RBMS3: variants seen among roughly 807,000 people sequenced by gnomAD.
RBMS3 encodes RNA binding motif single stranded interacting protein 3.
A neutral mutation model predicts 66.8 loss-of-function variants in RBMS3; 27 were observed. That is an observed-to-expected ratio of 0.40 (90% CI 0.30 to 0.56). The LOEUF (loss-of-function observed/expected upper bound fraction) is 0.56, where lower values mean the gene tolerates loss of function less well. RBMS3 is among the 20% of genes least tolerant of loss of function. The probability of loss-of-function intolerance (pLI) is 0.40; values close to 1 mark genes in which losing one functional copy is unlikely to be tolerated. For missense variants in RBMS3, 513 were observed against 549.5 expected (o/e 0.93, Z 0.66); for synonymous variants, 188 against 183.0 (o/e 1.03, Z -0.22).
At position 29,454,475 on chromosome 3, in the gene RBMS3, A is replaced by T. The variant is rs78947528; in HGVS notation, c.248+19560A>T. On this transcript the variant is annotated intron_variant, in intron 2 of 14. Coordinates refer to ENST00000383767, the MANE Select transcript of RBMS3 (RefSeq NM_001003793.3). ...CCAGGGAAAGTTGAAGTATACTACA[A>T]TGGTGGATCTATTAAAAATATTGGC... Among the ~76,000 whole-genome samples, 178 of 152,310 alleles carry T rather than the reference A, an allele frequency of 1.2e-3. 6 individuals are homozygous for T. In the East Asian group the frequency reaches 0.032, roughly 27 times the overall value.
At chr3:29,384,378 A>G (rs927855455) in intron 1 of RBMS3, among the ~76,000 whole-genome samples, 2 of 151,464 alleles carry the variant, frequency 1.3e-5, no homozygotes, top group African/African-American at 4.9e-5. Flanking sequence ...GAACATGAAG[A>G]TGGAATTCTA....
intron 8 of RBMS3, 111 bp downstream of exon 8, chr3:29,884,319 C>A: frequency 2.0e-6 from 2 of 1,019,230 alleles, no homozygotes; most frequent in South Asian, 1.5e-5. Flanking sequence ...CATCCTTAAA[C>A]ACAAAGTTTA....
At chr3:29,993,224 A>G (rs893566909) in intron 14 of RBMS3, among the ~76,000 whole-genome samples, 3 of 152,198 alleles carry the variant, frequency 2.0e-5, no homozygotes, top group African/African-American at 4.8e-5. Flanking sequence ...AATTTAATTG[A>G]CATAGCCTGT....
chr3:29,641,142 C>T (rs993550921), intron 4 of RBMS3: 12 of 151,966 alleles, frequency 7.9e-5, no homozygotes, highest in East Asian at 1.9e-4. Context: ...ATTCTTCCTT[C>T]TTTATCTAAA....
chr3:29,405,785 G>A (rs1336565651), intron 1 of RBMS3, among the ~76,000 whole-genome samples: 3 of 152,158 alleles, frequency 2.0e-5, no homozygotes, highest in Non-Finnish European at 2.9e-5. Context: ...TAGTGACCTA[G>A]GGATTGATTT....
chr3:29,605,503 A>G (rs1275133328), intron 4 of RBMS3, among the ~76,000 whole-genome samples: 3 of 151,578 alleles, frequency 2.0e-5, no homozygotes, highest in Admixed American at 1.3e-4. Flanking sequence ...GGAACCACCT[A>G]CATACTTTCT....
chr3:29,880,754 C>G, intron 7 of RBMS3: 1 of 1,532,688 alleles, frequency 6.5e-7, no homozygotes, highest in Non-Finnish European at 8.7e-7. Flanking sequence ...CTGACACTAT[C>G]TCTTGTTGTC....
intron 2 of RBMS3, among the ~76,000 whole-genome samples, chr3:29,479,578 A>C (rs1257680363): frequency 6.6e-6 from 1 of 152,142 alleles, no homozygotes; most frequent in Non-Finnish European, 1.5e-5. Flanking sequence ...GGCTGTGAGC[A>C]CAGCAGCTAT....
chr3:29,803,197 G>T (rs972873648), intron 6 of RBMS3, among the ~76,000 whole-genome samples: 1 of 152,050 alleles, frequency 6.6e-6, no homozygotes, highest in Non-Finnish European at 1.5e-5. Flanking sequence ...TATGGAATCA[G>T]AAAACTTAAG....
At chr3:29,347,901 CAAT>C (rs1229220752) in intron 1 of RBMS3, among the ~76,000 whole-genome samples, 1 of 152,152 alleles carries the variant, frequency 6.6e-6, no homozygotes, top group African/African-American at 2.4e-5. Context: ...ATGATCATAA[CAAT>C]AACCTATTCA....
chr3:29,992,385 G>A (rs1341750742), intron 14 of RBMS3, among the ~76,000 whole-genome samples: 1 of 152,136 alleles, frequency 6.6e-6, no homozygotes, highest in Non-Finnish European at 1.5e-5. Context: ...AGGAGATAGA[G>A]ACCATCCTGG....
At chr3:29,522,541 G>T (rs2044901335) in intron 3 of RBMS3, among the ~76,000 whole-genome samples, 1 of 152,122 alleles carries the variant, frequency 6.6e-6, no homozygotes, top group Non-Finnish European at 1.5e-5. Context: ...GTTACAGGAA[G>T]CTGCTACCAA....
chr3:29,780,095 C>A (rs1401170408), intron 6 of RBMS3, among the ~76,000 whole-genome samples: 3 of 151,778 alleles, frequency 2.0e-5, no homozygotes, highest in African/African-American at 7.3e-5. Flanking sequence ...TATTTCCAAG[C>A]AGAAATAGGT....
At chr3:29,739,495 T>C (rs1309335366) in intron 4 of RBMS3, among the ~76,000 whole-genome samples, 1 of 151,780 alleles carries the variant, frequency 6.6e-6, no homozygotes, top group Non-Finnish European at 1.5e-5. Context: ...TATTAGTCTT[T>C]CTAAGGAATG....
chr3:29,398,043 T>G (rs970774473), intron 1 of RBMS3, among the ~76,000 whole-genome samples: 9 of 152,194 alleles, frequency 5.9e-5, no homozygotes, highest in Non-Finnish European at 1.3e-4. Context: ...TAGACATAGC[T>G]ACTCTCAGTG....
chr3:29,817,030 G>A (rs2057927779), intron 6 of RBMS3, among the ~76,000 whole-genome samples: 1 of 152,098 alleles, frequency 6.6e-6, no homozygotes, highest in African/African-American at 2.4e-5. Flanking sequence ...GGCAGAGGTT[G>A]CCGTGAGCCG....
chr3:29,306,635 G>C (rs1370193733), intron 1 of RBMS3, among the ~76,000 whole-genome samples: 1 of 151,842 alleles, frequency 6.6e-6, no homozygotes, highest in African/African-American at 2.4e-5. Flanking sequence ...ATTTCTGCCA[G>C]AACCAGAACT....
chr3:29,928,220 A>C (rs1208751267), intron 10 of RBMS3, among the ~76,000 whole-genome samples: 1 of 144,858 alleles, frequency 6.9e-6, no homozygotes, highest in African/African-American at 2.5e-5. Context: ...ATACACACAC[A>C]CACACACACA....
At chr3:29,614,558 AAAAT>A (rs1310633713) in intron 4 of RBMS3, 2 of 152,142 alleles carry the variant, frequency 1.3e-5, no homozygotes, top group African/African-American at 4.8e-5. Flanking sequence ...TTATGAAACA[AAAAT>A]AAAATAAAAA....
Sources: allele counts gnomAD v4.1 joint callset (sites outside exome capture counted in the v4.1 genomes callset), GRCh38; gene constraint gnomAD v4.1.1; transcripts MANE v1.5; gene names NCBI Gene and HGNC (gene_info 2026-07-23, HGNC 2026-07-21).